ULK4: variants seen among roughly 807,000 people sequenced by gnomAD.
ULK4 encodes inactive serine/threonine-protein kinase ULK4.
ULK4 carries 133 observed loss-of-function variants against 160.6 expected under a neutral mutation model. The ratio of observed to expected loss-of-function variants is 0.83; its 90% CI spans 0.72 to 0.96. The LOEUF is 0.96. Ranked by LOEUF, ULK4 falls within the 40% of genes least tolerant of loss-of-function variation. The pLI is 0.00. For synonymous variants in ULK4, 534 were observed against 539.8 expected (o/e 0.99, Z 0.15); for missense variants, 1,580 against 1,499.5 (o/e 1.05, Z -0.89).
intron 31 of ULK4, among the ~76,000 whole-genome samples, chr3:41,611,170 C>A (rs1032168024): frequency 7.9e-5 from 12 of 152,222 alleles, no homozygotes; most frequent in African/African-American, 2.9e-4. Flanking sequence ...TAGTGCGGTA[C>A]ACCGTGAAGA....
At chr3:41,941,275 C>T (rs776375493) in intron 2 of ULK4, among the ~76,000 whole-genome samples, 7 of 146,164 alleles carry the variant, frequency 4.8e-5, no homozygotes, top group East Asian at 4.1e-4. Flanking sequence ...TGGGTTCAAA[C>T]GATCCTCCCA....
intron 31 of ULK4, 122 bp downstream of exon 31, chr3:41,615,547 G>A: frequency 1.1e-6 from 1 of 872,056 alleles, no homozygotes; most frequent in Non-Finnish European, 1.8e-6. Context: ...TAAGTGTGAT[G>A]ATGATGGACG....
intron 5 of ULK4, among the ~76,000 whole-genome samples, chr3:41,924,257 A>G (rs1308613617): frequency 6.6e-6 from 1 of 152,196 alleles, no homozygotes; most frequent in Non-Finnish European, 1.5e-5. Flanking sequence ...GCTCATCGCC[A>G]TACTTAGACA....
intron 17 of ULK4, among the ~76,000 whole-genome samples, chr3:41,837,745 G>A (rs1416444338): frequency 6.6e-6 from 1 of 152,048 alleles, no homozygotes; most frequent in Non-Finnish European, 1.5e-5. Flanking sequence ...ATTTTTAGTA[G>A]AGACTGGGTT....
chr3:41,480,076 G>A (rs71331173), intron 32 of ULK4, among the ~76,000 whole-genome samples: 21,629 of 151,726 alleles, frequency 0.14, 2,243 homozygotes, highest in East Asian at 0.55. Flanking sequence ...GCGTGGTGGC[G>A]GGCGCCTGTA....
At chr3:41,840,427 C>A (rs561906220) in intron 17 of ULK4, among the ~76,000 whole-genome samples, 1 of 152,226 alleles carries the variant, frequency 6.6e-6, no homozygotes, top group Non-Finnish European at 1.5e-5. Flanking sequence ...CGAGGCTGGA[C>A]TGTACTGCCG....
At chr3:41,886,420 T>C (rs1445123618) in intron 16 of ULK4, among the ~76,000 whole-genome samples, 1 of 151,802 alleles carries the variant, frequency 6.6e-6, no homozygotes, top group Non-Finnish European at 1.5e-5. Context: ...AACACACTAG[T>C]AGAAAAAAAG....
At chr3:41,405,488 T>C (rs571226048) in intron 34 of ULK4, among the ~76,000 whole-genome samples, 16 of 152,342 alleles carry the variant, frequency 1.1e-4, no homozygotes, top group African/African-American at 3.1e-4. Flanking sequence ...CTTGGATATA[T>C]ATCCACTAAT....
intron 35 of ULK4, among the ~76,000 whole-genome samples, chr3:41,397,436 G>A (rs1168092360): frequency 6.6e-6 from 1 of 152,090 alleles, no homozygotes; most frequent in Non-Finnish European, 1.5e-5. Flanking sequence ...CCACCAGTGA[G>A]GGGCAAACAG....
intron 35 of ULK4, among the ~76,000 whole-genome samples, chr3:41,269,629 T>C (rs1406276590): frequency 6.6e-6 from 1 of 152,224 alleles, no homozygotes; most frequent in African/African-American, 2.4e-5. Flanking sequence ...TTTAATGAAA[T>C]ACAATGTATA....
At chr3:41,251,614 A>C (rs1293441642) in intron 35 of ULK4, among the ~76,000 whole-genome samples, 1 of 152,204 alleles carries the variant, frequency 6.6e-6, no homozygotes, top group Non-Finnish European at 1.5e-5. Flanking sequence ...AACCCTAGAG[A>C]GTAGATGAAA....
At chr3:41,407,864 T>C (rs911710951) in intron 34 of ULK4, among the ~76,000 whole-genome samples, 1 of 151,818 alleles carries the variant, frequency 6.6e-6, no homozygotes, top group African/African-American at 2.4e-5. Flanking sequence ...GAAAAATAAA[T>C]AAGAAAAATA....
chr3:41,308,297 G>T (rs1482997036), intron 35 of ULK4, among the ~76,000 whole-genome samples: 1 of 151,974 alleles, frequency 6.6e-6, no homozygotes, highest in Non-Finnish European at 1.5e-5. Context: ...ATAAAACAGC[G>T]CACGAGGGAC....
At chr3:41,512,345 T>C (rs2085607715) in intron 32 of ULK4, among the ~76,000 whole-genome samples, 1 of 152,168 alleles carries the variant, frequency 6.6e-6, no homozygotes, top group Non-Finnish European at 1.5e-5. Flanking sequence ...CTGTCGCTGT[T>C]TGCTGATGAT....
At chr3:41,399,362 G>C (rs1167961940) in intron 34 of ULK4, among the ~76,000 whole-genome samples, 1 of 152,072 alleles carries the variant, frequency 6.6e-6, no homozygotes, top group African/African-American at 2.4e-5. Context: ...TCTTTATATA[G>C]TTGAGTTCTA....
chr3:41,719,936 T>C (rs941120908), intron 22 of ULK4, among the ~76,000 whole-genome samples: 1 of 152,136 alleles, frequency 6.6e-6, no homozygotes, highest in Admixed American at 6.5e-5. Flanking sequence ...GTTCTCTGTC[T>C]CTTAAATACA....
chr3:41,353,325 T>A (rs2080949013), intron 35 of ULK4, among the ~76,000 whole-genome samples: 1 of 152,170 alleles, frequency 6.6e-6, no homozygotes. Flanking sequence ...CAAATTTGTA[T>A]TAAAATATTT....
rs2078975950 is a variant in ULK4, at chr3:41,263,163, C to T, written c.3679-13589G>A. Among the ~76,000 whole-genome samples the T allele has an allele frequency of 3.0e-5, 3 of 101,112 alleles. No homozygotes were observed. The Admixed American group carries it at 3.1e-4, about 11-fold the overall frequency. 66.3% of individuals were successfully genotyped at this position (101,112 alleles called of 152,430 possible). A position where few individuals can be genotyped will look rare whatever the true frequency, so the allele number is the denominator to read the frequency against. ...AAGAAAAAATACTTGGGGTGGTAAC[C>T]AAAGTGGGATAGCTTCGGTCATAAG... On this transcript the variant is annotated intron_variant, in intron 35 of 36. Coordinates refer to ENST00000301831, the MANE Select transcript of ULK4 (RefSeq NM_017886.4).
intron 30 of ULK4, among the ~76,000 whole-genome samples, chr3:41,616,310 A>C (rs1007076666): frequency 6.6e-6 from 1 of 152,198 alleles, no homozygotes; most frequent in Non-Finnish European, 1.5e-5. Context: ...CAAAAGTCAC[A>C]GTTTTGATTA....
Sources: allele counts gnomAD v4.1 joint callset (sites outside exome capture counted in the v4.1 genomes callset), GRCh38; gene constraint gnomAD v4.1.1; transcripts MANE v1.5; gene names NCBI Gene and HGNC (gene_info 2026-07-23, HGNC 2026-07-21).